The following SMARCA5 variants were observed in gnomAD, a reference collection of about 807,000 sequenced individuals.
The protein encoded by SMARCA5 is SWI/SNF-related matrix-associated actin-dependent regulator of chromatin subfamily A member 5.
In SMARCA5, 18 loss-of-function variants were observed where a neutral mutation model predicts 140.4. That is an observed-to-expected ratio of 0.13 (90% CI 0.09 to 0.19). The LOEUF is 0.19. Ranked by LOEUF, SMARCA5 falls within the 10% of genes least tolerant of loss-of-function variation. SMARCA5 has a pLI of 1.00. For synonymous variants in SMARCA5, 449 were observed against 419.6 expected, an observed-to-expected ratio of 1.07 and a Z score of -0.86; for missense variants, 606 against 1,276.8, an observed-to-expected ratio of 0.47 and a Z score of 8.01.
chr4:143,553,113 T>C lies in SMARCA5; in HGVS notation c.3094-6T>C, dbSNP rs766006951. ...TGTGAAAAGTAATCCTTCTGTCTGT[T>C]TGTAGACACAGAAACGTAAAATGGA... On this transcript the variant is annotated splice_region_variant and splice_polypyrimidine_tract_variant and intron_variant, in intron 23 of 23. Transcript: ENST00000283131. 8 of 1,607,974 alleles carry C rather than the reference T, an allele frequency of 5.0e-6. No homozygotes were observed. Among genetic ancestry groups the C allele is most frequent in the East Asian group, 2.2e-5 (1 of 44,770 alleles).
chr4:143,520,962 C>G (rs1333862638), intron 2 of SMARCA5, among the ~76,000 whole-genome samples: 1 of 152,166 alleles, frequency 6.6e-6, no homozygotes, highest in Non-Finnish European at 1.5e-5. Context: ...TTTCCAGCTT[C>G]TGAGTAAATT....
intron 11 of SMARCA5, among the ~76,000 whole-genome samples, chr4:143,538,232 G>A (rs1024211737): frequency 2.0e-5 from 3 of 152,160 alleles, no homozygotes; most frequent in Non-Finnish European, 4.4e-5. Flanking sequence ...TATTAGGTGT[G>A]TGTTGGAGGT....
At chr4:143,552,478 T>C (rs2149826221) in intron 23 of SMARCA5, among the ~76,000 whole-genome samples, 1 of 152,174 alleles carries the variant, frequency 6.6e-6, no homozygotes, top group South Asian at 2.1e-4. Context: ...AAATCACTTC[T>C]TGATGATATG....
At chr4:143,518,795 T>C (rs1246979385) in intron 2 of SMARCA5, among the ~76,000 whole-genome samples, 1 of 152,104 alleles carries the variant, frequency 6.6e-6, no homozygotes, top group Non-Finnish European at 1.5e-5. Flanking sequence ...GCCGCTCTGT[T>C]TTTTTAAAGT....
chr4:143,545,819 T>C, intron 18 of SMARCA5, 106 bp from the exon 19 acceptor site: 1 of 1,056,766 alleles, frequency 9.5e-7, no homozygotes, highest in Non-Finnish European at 1.4e-6. Context: ...TGTATCAGTA[T>C]ATTTTCTTTC....
At chr4:143,540,051 C>G (rs1489166439) in intron 13 of SMARCA5, among the ~76,000 whole-genome samples, 2 of 152,052 alleles carry the variant, frequency 1.3e-5, no homozygotes, top group Non-Finnish European at 2.9e-5. Context: ...ACTTCTTTGC[C>G]TGATAGCAGT....
intron 23 of SMARCA5, among the ~76,000 whole-genome samples, chr4:143,551,855 A>G (rs1448020460): frequency 6.6e-6 from 1 of 151,946 alleles, no homozygotes; most frequent in African/African-American, 2.4e-5. Context: ...TGATTCTTCC[A>G]GTTTTATTCT....
At chr4:143,547,900 T>C in intron 21 of SMARCA5, 28 bp from the exon 22 acceptor site, 1 of 1,291,114 alleles carries the variant, frequency 7.7e-7, no homozygotes, top group South Asian at 1.4e-5. Flanking sequence ...ATTTGTATTT[T>C]ATATAATATA....
intron 13 of SMARCA5, among the ~76,000 whole-genome samples, chr4:143,539,877 G>A (rs769712149): frequency 2.0e-5 from 3 of 152,102 alleles, no homozygotes; most frequent in Non-Finnish European, 4.4e-5. Flanking sequence ...AAGGGTGACA[G>A]GGGAAAATGG....
In SMARCA5 at chr4:143,555,665, T is replaced by A. The variant is rs1011012872; in HGVS notation, c.*2481T>A. 8.5e-6 allele frequency: 2 copies of A among 234,778 alleles called. No homozygotes were observed. Among genetic ancestry groups the A allele is most frequent in the South Asian group, 5.4e-5 (1 of 18,448 alleles). The allele number at this position is 234,778 out of a possible 1,614,324, so 14.5% of individuals were successfully genotyped here. On this transcript the variant is annotated 3_prime_UTR_variant, in exon 24 of 24. Coordinates refer to ENST00000283131, the MANE Select transcript of SMARCA5 (RefSeq NM_003601.4). ...TATAAAGTGTAATTATTACTACTTTTAAGAGACAGGGTCTTGCTCTGTCAC... is the reference window on the plus strand; with the variant it reads ...TATAAAGTGTAATTATTACTACTTTAAAGAGACAGGGTCTTGCTCTGTCAC...
intron 3 of SMARCA5, 144 bp downstream of exon 3, chr4:143,521,739 C>T (rs1736962621): frequency 1.4e-6 from 1 of 719,954 alleles, no homozygotes; most frequent in East Asian, 2.8e-5. Context: ...CATGATTTAG[C>T]CATAAATGTA....
intron 17 of SMARCA5, among the ~76,000 whole-genome samples, 195 bp from the exon 18 acceptor site, chr4:143,545,275 T>A (rs934265871): frequency 2.0e-5 from 3 of 152,220 alleles, no homozygotes; most frequent in African/African-American, 7.2e-5. Flanking sequence ...TACTCTCTTC[T>A]GTTTTTAGTT....
chr4:143,529,747 GT>G (rs542422011), intron 8 of SMARCA5, among the ~76,000 whole-genome samples: 12 of 151,600 alleles, frequency 7.9e-5, no homozygotes, highest in Admixed American at 1.3e-4. Context: ...AATTAATTTT[GT>G]TTTTTTTCTG....
rs971803074 is a variant in SMARCA5, at chr4:143,527,924, T to G, written c.858T>G (p.Ser286=). 6.2e-7 allele frequency: 1 copy of G among 1,603,216 alleles called. No homozygotes were observed. The highest frequency in any genetic ancestry group is 8.5e-7 in the Non-Finnish European group (1 of 1,176,896). Residue 286 remains serine, a synonymous_variant, in exon 7 of 24, where the codon TCT becomes TCG. Transcript: ENST00000283131. The part of the protein sequence containing the change: ...LPGEWDVCVT[S]YEMLIKEKSV... ...GAGAATGGGATGTATGTGTAACATC[T>G]TATGAAATGCTTATTAAAGAGAAGT...
At chr4:143,518,272 C>T (rs1736884962) in intron 2 of SMARCA5, among the ~76,000 whole-genome samples, 1 of 152,114 alleles carries the variant, frequency 6.6e-6, no homozygotes, top group Non-Finnish European at 1.5e-5. Context: ...CTACACAGAG[C>T]TTTAAATTTA....
At chr4:143,545,881 C>T (rs755481816) in intron 18 of SMARCA5, 44 bp from the exon 19 acceptor site, 5 of 1,572,124 alleles carry the variant, frequency 3.2e-6, no homozygotes, top group East Asian at 2.3e-5. Context: ...ATCACATGCT[C>T]TTTAAAATTT....
Position 143,536,444 on chromosome 4 carries a change from T to TTGA in SMARCA5, c.1269-7_1269-5dup. On this transcript the variant is annotated splice_region_variant and splice_polypyrimidine_tract_variant and intron_variant, in intron 10 of 23. Transcript: ENST00000283131. ...TGAGCTCTAAAAATGTTTTTCTTCTTTGAATAGGTATACTCGGATATTAAT... is the reference window on the plus strand; with the variant it reads ...TGAGCTCTAAAAATGTTTTTCTTCTTTGATGAATAGGTATACTCGGATATTAAT... 6.3e-7 allele frequency: 1 copy of TTGA among 1,594,188 alleles called. No individual in the cohort carries two copies. Among genetic ancestry groups the TTGA allele is most frequent in the East Asian group, 2.2e-5 (1 of 44,728 alleles).
chr4:143,554,812 T>G lies in SMARCA5; in HGVS notation c.*1628T>G. 1 of 188,518 alleles carries G rather than the reference T, an allele frequency of 5.3e-6. No homozygotes were observed. Among genetic ancestry groups the G allele is most frequent in the Non-Finnish European group, 1.1e-5 (1 of 91,326 alleles). 11.7% of individuals were successfully genotyped at this position (188,518 alleles called of 1,614,324 possible). A position where few individuals can be genotyped will look rare whatever the true frequency, so the allele number is the denominator to read the frequency against. On this transcript the variant is annotated 3_prime_UTR_variant, in exon 24 of 24. Coordinates refer to ENST00000283131, the MANE Select transcript of SMARCA5 (RefSeq NM_003601.4). ...TAAGGCTGAAGAAAACTTACGGAGG[T>G]CACAAAAGTGATGTTTTCAAGAGGA...
chr4:143,520,783 C>T (rs557679502), intron 2 of SMARCA5, among the ~76,000 whole-genome samples: 2 of 151,988 alleles, frequency 1.3e-5, no homozygotes, highest in Non-Finnish European at 2.9e-5. Flanking sequence ...AATTTGTCTT[C>T]GAGGCTCTTA....
Sources: allele counts gnomAD v4.1 joint callset (sites outside exome capture counted in the v4.1 genomes callset), GRCh38; gene constraint gnomAD v4.1.1; transcripts MANE v1.5; gene names NCBI Gene and HGNC (gene_info 2026-07-23, HGNC 2026-07-21).